Variants in LAMA2 observed in about 807,000 individuals in gnomAD.
LAMA2 encodes the protein laminin subunit alpha 2.
LAMA2 carries 269 observed loss-of-function variants against 364.8 expected under a neutral mutation model. That is an observed-to-expected ratio of 0.74 (90% CI 0.67 to 0.82). The LOEUF (loss-of-function observed/expected upper bound fraction) is 0.82. LAMA2 is among the 40% of genes least tolerant of loss of function. The pLI is 0.00. For missense variants in LAMA2, 3,807 were observed against 3,873.2 expected (o/e 0.98, Z 0.45); for synonymous variants, 1,379 against 1,370.6 (o/e 1.01, Z -0.14).
chr6:129,236,527 A>G (rs974272285), intron 12 of LAMA2, among the ~76,000 whole-genome samples: 8 of 152,210 alleles, frequency 5.3e-5, no homozygotes, highest in African/African-American at 1.7e-4. Flanking sequence ...GCAGGTGCCA[A>G]AGTCACAAAT....
chr6:129,195,365 A>G (rs1172065587), intron 12 of LAMA2, among the ~76,000 whole-genome samples: 1 of 152,218 alleles, frequency 6.6e-6, no homozygotes, highest in Non-Finnish European at 1.5e-5. Context: ...AATAAAACTC[A>G]AGAATACTAG....
In LAMA2 at chr6:129,320,477, G is replaced by A. The variant is rs372469111; in HGVS notation, c.4059-61G>A. 1.2e-5 allele frequency: 11 copies of A among 953,066 alleles called. No individual in the cohort carries two copies. The African/African-American group carries it at 1.6e-4, about 14-fold the overall frequency. The allele number at this position is 953,066 out of a possible 1,614,324, so 59.0% of individuals were successfully genotyped here. A position where few individuals can be genotyped will look rare whatever the true frequency, so the allele number is the denominator to read the frequency against. On this transcript the variant is annotated intron_variant, in intron 27 of 64. Transcript: ENST00000421865. ...GAAGGATATTGCTGTAGGATTGATTGTTTACTAGGTGATCTTAACTGACTG... is the reference window on the plus strand; with the variant it reads ...GAAGGATATTGCTGTAGGATTGATTATTTACTAGGTGATCTTAACTGACTG...
intron 12 of LAMA2, among the ~76,000 whole-genome samples, chr6:129,226,128 T>G (rs1160874981): frequency 6.6e-6 from 1 of 152,228 alleles, no homozygotes; most frequent in African/African-American, 2.4e-5. Context: ...TGGTTTAATG[T>G]CTGTTTTATC....
intron 40 of LAMA2, among the ~76,000 whole-genome samples, chr6:129,419,982 G>A (rs1300354490): frequency 6.6e-6 from 1 of 152,016 alleles, no homozygotes; most frequent in Non-Finnish European, 1.5e-5. Context: ...TTTTAAAATT[G>A]TGTATGATTT....
intron 8 of LAMA2, among the ~76,000 whole-genome samples, chr6:129,161,338 CTG>C (rs1779427601): frequency 1.3e-5 from 2 of 151,952 alleles, no homozygotes; most frequent in African/African-American, 4.8e-5. Context: ...CTGACAATTA[CTG>C]TGTGTTTAGT....
chr6:128,980,935 A>AT (rs2114638024), intron 1 of LAMA2, among the ~76,000 whole-genome samples: 1 of 152,324 alleles, frequency 6.6e-6, no homozygotes, highest in South Asian at 2.1e-4. Context: ...TTATACATTA[A>AT]TTGATGTAAG....
chr6:129,015,921 C>T (rs1463836163), intron 1 of LAMA2, among the ~76,000 whole-genome samples: 1 of 151,912 alleles, frequency 6.6e-6, no homozygotes, highest in Non-Finnish European at 1.5e-5. Flanking sequence ...CCGAGAAAAA[C>T]CACTACTCTT....
intron 1 of LAMA2, among the ~76,000 whole-genome samples, chr6:129,034,713 G>GA (rs1442559256): frequency 6.6e-6 from 1 of 152,036 alleles, no homozygotes; most frequent in Non-Finnish European, 1.5e-5. Flanking sequence ...ACTTAGAAGT[G>GA]AAAATGTCAT....
Position 129,483,658 on chromosome 6 carries a change from G to A in LAMA2, c.7749+2219G>A, listed in dbSNP as rs181904729. 3.3e-3 allele frequency among the ~76,000 whole-genome samples: 501 copies of A among 152,244 alleles called. 5 individuals carry two copies. The highest frequency in any genetic ancestry group is 0.011 in the African/African-American group (463 of 41,546). On this transcript the variant is annotated intron_variant, in intron 55 of 64. Transcript: ENST00000421865. ...TTATTCTAAAATTTATATCAAAGAT[G>A]AAATTCCTAGAATAGAAGAATAGCG...
At chr6:129,512,255 T>C (rs549919779) in intron 62 of LAMA2, 108 bp from the exon 63 acceptor site, 1 of 1,077,694 alleles carries the variant, frequency 9.3e-7, no homozygotes, top group Non-Finnish European at 1.4e-6. Context: ...CTCATTAGAA[T>C]TAGCTAGCAT....
At chr6:129,159,202 A>C (rs1246119381) in intron 8 of LAMA2, 1 of 1,198,034 alleles carries the variant, frequency 8.3e-7, no homozygotes, top group African/African-American at 1.5e-5. Context: ...ACTGTCATTC[A>C]GTGAGATTTT....
At chr6:129,079,039 T>C (rs1169662465) in intron 3 of LAMA2, among the ~76,000 whole-genome samples, 2 of 152,182 alleles carry the variant, frequency 1.3e-5, no homozygotes, top group African/African-American at 4.8e-5. Flanking sequence ...CACACGTACA[T>C]ATATGGCACA....
chr6:129,159,811 A>G (rs2114985189), intron 8 of LAMA2, among the ~76,000 whole-genome samples: 1 of 152,312 alleles, frequency 6.6e-6, no homozygotes, highest in East Asian at 1.9e-4. Flanking sequence ...TTTATAACAA[A>G]ATGGTTTTGC....
intron 2 of LAMA2, among the ~76,000 whole-genome samples, chr6:129,052,023 A>G (rs1788086170): frequency 1.3e-5 from 2 of 151,822 alleles, no homozygotes; most frequent in African/African-American, 4.8e-5. Context: ...ATGTAGAGAG[A>G]GAGAGAGAAA....
intron 41 of LAMA2, among the ~76,000 whole-genome samples, chr6:129,431,629 C>T (rs1376801511): frequency 2.1e-5 from 3 of 141,508 alleles, no homozygotes; most frequent in East Asian, 3.9e-4. Flanking sequence ...TCTTCATAAA[C>T]TTCATAACTA....
chr6:129,290,155 T>C (rs1789594029), intron 19 of LAMA2, among the ~76,000 whole-genome samples: 1 of 152,194 alleles, frequency 6.6e-6, no homozygotes, highest in South Asian at 2.1e-4. Context: ...ATTACCATCA[T>C]ATTTATGGTA....
intron 1 of LAMA2, among the ~76,000 whole-genome samples, chr6:129,043,234 C>A (rs1468930268): frequency 1.3e-5 from 2 of 152,136 alleles, no homozygotes; most frequent in African/African-American, 4.8e-5. Flanking sequence ...GGTCCAGTTA[C>A]TGTGATCTCT....
chr6:129,332,883 A>ATTTT (rs10590805), intron 29 of LAMA2, among the ~76,000 whole-genome samples: 1 of 104,388 alleles, frequency 9.6e-6, no homozygotes, highest in Non-Finnish European at 1.8e-5. Flanking sequence ...TAAGTTTACC[A>ATTTT]TTTTTTTTTT....
intron 9 of LAMA2, among the ~76,000 whole-genome samples, chr6:129,175,997 T>C (rs955650071): frequency 1.3e-5 from 2 of 152,064 alleles, no homozygotes; most frequent in African/African-American, 2.4e-5. Flanking sequence ...ATATTTTCTC[T>C]TTTTTATACT....
Sources: gnomAD v4.1 joint callset for allele counts (sites outside exome capture counted in the v4.1 genomes callset) on GRCh38, gnomAD v4.1.1 for gene constraint, MANE v1.5 for transcripts, NCBI Gene and HGNC (gene_info 2026-07-23, HGNC 2026-07-21) for gene names.